The following NUP98 variants were observed in gnomAD, a reference collection of about 807,000 sequenced individuals.
NUP98 encodes nuclear pore complex protein Nup98-Nup96.
A neutral mutation model predicts 191.9 loss-of-function variants in NUP98; 26 were observed. The ratio of observed to expected loss-of-function variants is 0.14; its 90% CI spans 0.10 to 0.19. NUP98 has a LOEUF of 0.19. Ranked by LOEUF, NUP98 falls within the 10% of genes least tolerant of loss-of-function variation. NUP98 has a pLI of 1.00. For missense variants in NUP98, 1,941 were observed against 2,178.8 expected (o/e 0.89, Z 2.17); for synonymous variants, 808 against 778.4 (o/e 1.04, Z -0.63).
At chr11:3,786,507 TA>T (rs1485181228) in intron 1 of NUP98, among the ~76,000 whole-genome samples, 1 of 152,214 alleles carries the variant, frequency 6.6e-6, no homozygotes, top group Non-Finnish European at 1.5e-5. Flanking sequence ...GAAATAGTGT[TA>T]TATAGAAAAG....
chr11:3,717,080 C>T (rs977403848), intron 18 of NUP98, among the ~76,000 whole-genome samples: 5 of 152,082 alleles, frequency 3.3e-5, no homozygotes, highest in South Asian at 2.1e-4. Context: ...CTGCAACCTC[C>T]GCCTCCCAGG....
Position 3,675,979 on chromosome 11 carries a change from T to C in NUP98, c.*180A>G, listed in dbSNP as rs2077795831. The stretch of plus-strand genomic sequence containing the variant: ...CTCTTCTGGGTTCCAGAAGCCCTTA[T>C]GCTACGTTCAGTATTAAGAAAAGCC... On this transcript the variant is annotated 3_prime_UTR_variant, in exon 33 of 33. Coordinates refer to ENST00000324932, the MANE Select transcript of NUP98 (RefSeq NM_016320.5). 1 of 606,840 alleles carries C rather than the reference T, an allele frequency of 1.6e-6. No homozygotes were observed. The highest frequency in any genetic ancestry group is 2.9e-6 in the Non-Finnish European group (1 of 342,798). 37.6% of individuals were successfully genotyped at this position (606,840 alleles called of 1,614,324 possible).
intron 18 of NUP98, chr11:3,714,713 C>T: frequency 6.3e-6 from 1 of 158,292 alleles, no homozygotes; most frequent in Non-Finnish European, 1.4e-5. Flanking sequence ...CATGTTATAG[C>T]ATATATCAGA....
At chr11:3,678,199 T>C (rs2077878329) in intron 31 of NUP98, among the ~76,000 whole-genome samples, 1 of 151,890 alleles carries the variant, frequency 6.6e-6, no homozygotes, top group Non-Finnish European at 1.5e-5. Flanking sequence ...TTCATGTAGA[T>C]TTTGTTTAAT....
At chr11:3,696,395 A>G (rs2078505931) in intron 25 of NUP98, among the ~76,000 whole-genome samples, 1 of 149,194 alleles carries the variant, frequency 6.7e-6, no homozygotes. Flanking sequence ...CCAGCTACTC[A>G]AGAGGCTGAG....
intron 4 of NUP98, among the ~76,000 whole-genome samples, chr11:3,777,096 A>T (rs927657611): frequency 3.9e-5 from 6 of 152,196 alleles, no homozygotes; most frequent in Non-Finnish European, 5.9e-5. Flanking sequence ...ACTTTAGAAT[A>T]TACAAGTGGT....
intron 19 of NUP98, among the ~76,000 whole-genome samples, chr11:3,713,086 TCAAC>T (rs2079068391): frequency 6.6e-6 from 1 of 152,198 alleles, no homozygotes; most frequent in Non-Finnish European, 1.5e-5. Flanking sequence ...GTTAAATAAT[TCAAC>T]CAGCCTAGAA....
intron 14 of NUP98, among the ~76,000 whole-genome samples, chr11:3,729,963 G>A (rs1053986732): frequency 2.6e-5 from 4 of 151,888 alleles, no homozygotes; most frequent in South Asian, 2.1e-4. Context: ...AGGACAAGGC[G>A]GGGCACAGTG....
intron 14 of NUP98, among the ~76,000 whole-genome samples, chr11:3,729,543 CAAAAAAAA>C (rs36045405): frequency 5.4e-5 from 3 of 55,748 alleles, no homozygotes; most frequent in East Asian, 5.0e-4. Context: ...CCTGTATCTC[CAAAAAAAA>C]AAAAAAAAAA....
intron 13 of NUP98, among the ~76,000 whole-genome samples, chr11:3,731,993 G>A (rs571474103): frequency 2.0e-5 from 3 of 152,242 alleles, no homozygotes; most frequent in East Asian, 1.9e-4. Context: ...AATACTAACC[G>A]AACTGTCTTT....
chr11:3,696,852 G>C (rs942732846), intron 25 of NUP98: 6 of 151,890 alleles, frequency 4.0e-5, no homozygotes, highest in African/African-American at 1.2e-4. Flanking sequence ...AAAAAGGGGG[G>C]GAGTAGTAAA....
At chr11:3,699,044 C>T (rs369701307) in intron 25 of NUP98, 38 bp downstream of exon 25, 21 of 1,603,522 alleles carry the variant, frequency 1.3e-5, no homozygotes, top group Middle Eastern at 2.3e-4. Flanking sequence ...AGTAGGAAGG[C>T]GACAGAGGCG....
At chr11:3,705,406 C>T (rs754048323) in intron 21 of NUP98, 50 bp from the exon 22 acceptor site, 5 of 1,579,578 alleles carry the variant, frequency 3.2e-6, no homozygotes, top group Non-Finnish European at 4.3e-6. Flanking sequence ...AATCAAAAGG[C>T]CATACCAAAA....
At chr11:3,737,710 ATG>A in intron 12 of NUP98, among the ~76,000 whole-genome samples, 1 of 152,282 alleles carries the variant, frequency 6.6e-6, no homozygotes, top group African/African-American at 2.4e-5. Context: ...CTTAAAATCG[ATG>A]TATTCAATAA....
intron 1 of NUP98, among the ~76,000 whole-genome samples, chr11:3,792,134 G>A (rs1339032821): frequency 3.1e-5 from 4 of 128,196 alleles, no homozygotes; most frequent in Non-Finnish European, 4.7e-5. Context: ...AGCCGAGATC[G>A]TGCCACTGCA....
At chr11:3,792,051 C>A (rs1356782054) in intron 1 of NUP98, among the ~76,000 whole-genome samples, 1 of 150,440 alleles carries the variant, frequency 6.6e-6, no homozygotes, top group African/African-American at 2.4e-5. Context: ...TGGTGGCACG[C>A]CCCTGTATTC....
Position 3,679,718 on chromosome 11 carries a change from C to A in NUP98, c.4919-10G>T. ...TCATTAATGATGGCATCTGAAGAAA[C>A]AAAGTATTGAGCACAATGTCTGCAC... On this transcript the variant is annotated splice_polypyrimidine_tract_variant and intron_variant, in intron 30 of 32. Coordinates refer to ENST00000324932, the MANE Select transcript of NUP98 (RefSeq NM_016320.5). 1 of 1,612,712 alleles carries A rather than the reference C, an allele frequency of 6.2e-7. No homozygotes were observed. The highest frequency in any genetic ancestry group is 8.5e-7 in the Non-Finnish European group (1 of 1,179,422).
chr11:3,687,022 T>C (rs779989850), intron 28 of NUP98, among the ~76,000 whole-genome samples: 9 of 152,148 alleles, frequency 5.9e-5, no homozygotes, highest in Non-Finnish European at 1.2e-4. Flanking sequence ...CTCAACCTCC[T>C]GGGCTCATGC....
In NUP98 at chr11:3,695,486, T is replaced by C. The variant is rs746614699; in HGVS notation, c.4130A>G (p.Glu1377Gly). The change falls in exon 26 of 33, where the codon GAG (glutamate) becomes GGG (glycine). Residue 1377 changes from glutamate to glycine, a missense_variant. By Grantham distance (98) the Glu-to-Gly change is moderately conservative. Around this residue, in one of 6 missense-constraint regions of NUP98, gnomAD observed 1,030 missense variants for 1,115.8 expected, o/e 0.92. Transcript: ENST00000324932. ...CAACAGAGCAAAGATGCGCAGTCTC[T>C]CATCCTGGATGAAGGAGTCTGCTTG... ...QLQADSFIQD[E>G]RLRIFALLAG... 126 of 1,604,948 alleles carry C rather than the reference T, an allele frequency of 7.9e-5. No individual in the cohort carries two copies. The highest frequency in any genetic ancestry group is 1.0e-4 in the Non-Finnish European group (123 of 1,175,314).
Sources: allele counts gnomAD v4.1 joint callset (sites outside exome capture counted in the v4.1 genomes callset), GRCh38; gene constraint gnomAD v4.1.1; regional missense constraint gnomAD v4.1.1; transcripts MANE v1.5; gene names NCBI Gene and HGNC (gene_info 2026-07-23, HGNC 2026-07-21).